GFOD1: variants seen among roughly 807,000 people sequenced by gnomAD.
GFOD1 encodes the protein glucose-fructose oxidoreductase domain-containing protein 1.
GFOD1 carries 9 observed loss-of-function variants against 25.4 expected under a neutral mutation model. The observed-to-expected ratio is 0.35, with a 90% CI of 0.21 to 0.62. The LOEUF (loss-of-function observed/expected upper bound fraction) is 0.62. Ranked by LOEUF, GFOD1 falls within the 20% of genes least tolerant of loss-of-function variation. The probability of loss-of-function intolerance (pLI) is 0.72; values close to 1 mark genes in which losing one functional copy is unlikely to be tolerated. For synonymous variants in GFOD1, 253 were observed against 245.6 expected, an observed-to-expected ratio of 1.03 and a Z score of -0.28; for missense variants, 403 against 556.9, an observed-to-expected ratio of 0.72 and a Z score of 2.78.
intron 1 of GFOD1, among the ~76,000 whole-genome samples, chr6:13,439,114 G>A (rs528654376): frequency 1.3e-5 from 2 of 152,262 alleles, no homozygotes; most frequent in South Asian, 4.1e-4. Context: ...AAGGTTAGGG[G>A]TACATTCCCC....
At chr6:13,470,759 T>G in intron 1 of GFOD1, 3 of 1,282,344 alleles carry the variant, frequency 2.3e-6, no homozygotes, top group Non-Finnish European at 3.1e-6. Context: ...ACAAGTACTC[T>G]AAAATCATTA....
At chr6:13,399,246 C>CA (rs751376762) in intron 1 of GFOD1, among the ~76,000 whole-genome samples, 8 of 152,194 alleles carry the variant, frequency 5.3e-5, no homozygotes, top group Non-Finnish European at 1.0e-4. Context: ...CTCCTGGACT[C>CA]AAGTGATTGG....
intron 1 of GFOD1, among the ~76,000 whole-genome samples, chr6:13,404,906 G>T (rs1172190333): frequency 1.3e-5 from 2 of 152,156 alleles, no homozygotes; most frequent in Non-Finnish European, 2.9e-5. Context: ...TGCTTTATGA[G>T]GCACCCAATG....
At chr6:13,427,640 G>C (rs1032297125) in intron 1 of GFOD1, among the ~76,000 whole-genome samples, 1 of 152,082 alleles carries the variant, frequency 6.6e-6, no homozygotes, top group African/African-American at 2.4e-5. Context: ...GACAGAGTAA[G>C]AGCCTGTCTC....
intron 1 of GFOD1, among the ~76,000 whole-genome samples, chr6:13,374,076 T>C (rs764673200): frequency 3.9e-5 from 6 of 152,116 alleles, no homozygotes; most frequent in Non-Finnish European, 5.9e-5. Flanking sequence ...GTATTTTGCA[T>C]GCATTTTCAT....
At chr6:13,428,227 G>A (rs932962362) in intron 1 of GFOD1, among the ~76,000 whole-genome samples, 4 of 152,150 alleles carry the variant, frequency 2.6e-5, no homozygotes, top group East Asian at 3.9e-4. Flanking sequence ...GTCTCTCTGC[G>A]GTGTCTTTAG....
At chr6:13,392,054 C>A (rs1448054522) in intron 1 of GFOD1, among the ~76,000 whole-genome samples, 1 of 152,134 alleles carries the variant, frequency 6.6e-6, no homozygotes, top group Non-Finnish European at 1.5e-5. Context: ...CAGCCCACTC[C>A]CTGTTGCCAC....
intron 1 of GFOD1, among the ~76,000 whole-genome samples, chr6:13,478,077 A>AC (rs1554206508): frequency 6.8e-6 from 1 of 147,804 alleles, no homozygotes. Context: ...AAAAAAAAAA[A>AC]CAAAACAAAG....
At chr6:13,431,145 C>G (rs1326622381) in intron 1 of GFOD1, among the ~76,000 whole-genome samples, 1 of 152,140 alleles carries the variant, frequency 6.6e-6, no homozygotes, top group Non-Finnish European at 1.5e-5. Flanking sequence ...AGAAGGGAAA[C>G]TGAAATCTAT....
chr6:13,365,043 C>T lies in GFOD1; in HGVS notation c.873G>A (p.Pro291=), dbSNP rs1327602443. Reference sequence around the variant, plus strand: ...AGGGGATGTCGCTGAAGGCCTTCTCCGGAAGCAGGGAGTTGCTCACCGGCG... The same window carrying T: ...AGGGGATGTCGCTGAAGGCCTTCTCTGGAAGCAGGGAGTTGCTCACCGGCG... ...DATPVSNSLL[P]EKAFSDIPSP... is the part of the protein sequence containing the mutation. The change falls in exon 2 of 2, where the codon CCG becomes CCA. Residue 291 remains proline, a synonymous_variant. Transcript: ENST00000379287. This position sits in a 1 kb window ranked among gnomAD's most constrained non-coding sequence, Gnocchi z 9.2. 21 of 1,610,508 alleles carry T rather than the reference C, an allele frequency of 1.3e-5. No individual in the cohort carries two copies. The East Asian group carries it at 2.7e-4, about 21-fold the overall frequency.
rs57171484 is a variant in GFOD1, at chr6:13,367,761, GAA to G, written c.254-2101_254-2100del. ...GGAGAAACAGCCAACTGGAGGGCAA[GAA>G]AAAAAAAAAAAAGAATGACACAGAT... On this transcript the variant is annotated intron_variant, in intron 1 of 1. Coordinates refer to ENST00000379287, the MANE Select transcript of GFOD1 (RefSeq NM_018988.4). Among the ~76,000 whole-genome samples, 538 of 130,652 alleles carry G rather than the reference GAA, an allele frequency of 4.1e-3. 4 individuals are homozygous for G. The highest frequency in any genetic ancestry group is 0.024 in the East Asian group (106 of 4,510). 85.7% of individuals were successfully genotyped at this position (130,652 alleles called of 152,430 possible). A position where few individuals can be genotyped will look rare whatever the true frequency, so the allele number is the denominator to read the frequency against.
In GFOD1 at chr6:13,360,598, C is replaced by A; in HGVS notation, c.*4145G>T. On this transcript the variant is annotated 3_prime_UTR_variant, in exon 2 of 2. Coordinates refer to ENST00000379287, the MANE Select transcript of GFOD1 (RefSeq NM_018988.4). The stretch of plus-strand genomic sequence containing the variant: ...TGAGGCTTGCTGCATCACCTACAAT[C>A]AAAATGAACATAGGAAGTCAATTTT... 1 of 421,698 alleles carries A rather than the reference C, an allele frequency of 2.4e-6. No individual in the cohort carries two copies. The highest frequency in any genetic ancestry group is 1.7e-5 in the South Asian group (1 of 60,082). The allele number at this position is 421,698 out of a possible 1,614,324, so 26.1% of individuals were successfully genotyped here. A position where few individuals can be genotyped will look rare whatever the true frequency, so the allele number is the denominator to read the frequency against.
chr6:13,438,982 A>G (rs1757873515), intron 1 of GFOD1, among the ~76,000 whole-genome samples: 1 of 152,196 alleles, frequency 6.6e-6, no homozygotes, highest in Non-Finnish European at 1.5e-5. Context: ...ACATGATTTT[A>G]TACCAGTGAA....
At chr6:13,485,645 C>T (rs1417065358) in intron 1 of GFOD1, among the ~76,000 whole-genome samples, 1 of 152,178 alleles carries the variant, frequency 6.6e-6, no homozygotes, top group Non-Finnish European at 1.5e-5. Flanking sequence ...TGAGAGGCTG[C>T]TACTCTGTCC....
intron 1 of GFOD1, among the ~76,000 whole-genome samples, chr6:13,400,087 C>T (rs987795691): frequency 5.9e-5 from 9 of 151,880 alleles, no homozygotes; most frequent in Admixed American, 1.3e-4. Context: ...AGGCCTCTGG[C>T]CTCCTGATAT....
chr6:13,403,182 G>A (rs1342519354), intron 1 of GFOD1, among the ~76,000 whole-genome samples: 1 of 150,950 alleles, frequency 6.6e-6, no homozygotes, highest in East Asian at 2.0e-4. Context: ...CTGGAGTACA[G>A]TGGTGCGAAC....
chr6:13,449,454 C>T lies in GFOD1; in HGVS notation c.253+37184G>A, dbSNP rs545515634. On this transcript the variant is annotated intron_variant, in intron 1 of 1. Transcript: ENST00000379287. Reference sequence around the variant, plus strand: ...TCACAGAACAGAACTCTATGGGTACCTAAAGCATTCAGAAAAAGTTATGTG... The same window carrying T: ...TCACAGAACAGAACTCTATGGGTACTTAAAGCATTCAGAAAAAGTTATGTG... 2.0e-5 allele frequency among the ~76,000 whole-genome samples: 3 copies of T among 152,264 alleles called. No individual in the cohort carries two copies. The South Asian group carries it at 6.2e-4, about 32-fold the overall frequency.
intron 1 of GFOD1, among the ~76,000 whole-genome samples, chr6:13,397,612 C>T (rs1168519074): frequency 6.6e-6 from 1 of 152,176 alleles, no homozygotes; most frequent in Admixed American, 6.5e-5. Context: ...CAGATATTTG[C>T]CTCCACCTGC....
At chr6:13,375,878 C>T (rs542311145) in intron 1 of GFOD1, among the ~76,000 whole-genome samples, 21 of 152,298 alleles carry the variant, frequency 1.4e-4, no homozygotes, top group African/African-American at 4.8e-4. Context: ...GAAACACTTT[C>T]GAATTTCTGT....
Sources: gnomAD v4.1 joint callset for allele counts (sites outside exome capture counted in the v4.1 genomes callset) on GRCh38, gnomAD v4.1.1 for gene constraint, Gnocchi (gnomAD v3.1) non-coding constraint, MANE v1.5 for transcripts, NCBI Gene and HGNC (gene_info 2026-07-23, HGNC 2026-07-21) for gene names.